The following TMEM132C variants were observed in gnomAD, a reference collection of about 807,000 sequenced individuals.
TMEM132C encodes transmembrane protein 132C.
TMEM132C carries 29 observed loss-of-function variants against 61.4 expected under a neutral mutation model. That is an observed-to-expected ratio of 0.47 (90% CI 0.35 to 0.64). TMEM132C has a LOEUF of 0.64. TMEM132C is among the 30% of genes least tolerant of loss of function. TMEM132C has a pLI of 0.00. For synonymous variants in TMEM132C, 656 were observed against 633.1 expected (o/e 1.04, Z -0.54); for missense variants, 1,408 against 1,476.9 (o/e 0.95, Z 0.76).
intron 2 of TMEM132C, among the ~76,000 whole-genome samples, chr12:128,538,198 G>C (rs1342974158): frequency 6.6e-6 from 1 of 152,168 alleles, no homozygotes; most frequent in Non-Finnish European, 1.5e-5. Flanking sequence ...TCAGCTCACT[G>C]CAACCTCTGC....
At chr12:128,561,699 C>T (rs543100020) in intron 3 of TMEM132C, among the ~76,000 whole-genome samples, 53 of 152,268 alleles carry the variant, frequency 3.5e-4, no homozygotes, top group African/African-American at 1.3e-3. Context: ...GTTAAGGAAC[C>T]CACATAAAGA....
intron 3 of TMEM132C, among the ~76,000 whole-genome samples, chr12:128,551,451 A>G (rs1874172926): frequency 6.6e-6 from 1 of 152,140 alleles, no homozygotes; most frequent in African/African-American, 2.4e-5. Context: ...TTTGGTTTCC[A>G]GGCTCCCCAT....
intron 1 of TMEM132C, among the ~76,000 whole-genome samples, chr12:128,396,476 AC>A (rs1874961068): frequency 1.6e-5 from 2 of 125,338 alleles, no homozygotes; most frequent in African/African-American, 3.8e-5. Context: ...AACCTAGATG[AC>A]GGGTTGATGG....
intron 1 of TMEM132C, among the ~76,000 whole-genome samples, chr12:128,287,902 A>G (rs374435520): frequency 1.3e-5 from 2 of 152,080 alleles, no homozygotes; most frequent in Non-Finnish European, 2.9e-5. Flanking sequence ...ATGTCCCTCA[A>G]TTTGATCCGT....
chr12:128,411,107 A>G (rs1868521796), intron 1 of TMEM132C, among the ~76,000 whole-genome samples: 1 of 152,130 alleles, frequency 6.6e-6, no homozygotes, highest in Non-Finnish European at 1.5e-5. Flanking sequence ...ATGTTGGGGG[A>G]CAGTTCTCTG....
chr12:128,600,652 C>T (rs528209404), intron 3 of TMEM132C, among the ~76,000 whole-genome samples: 1 of 152,328 alleles, frequency 6.6e-6, no homozygotes, highest in Admixed American at 6.5e-5. Context: ...CCAATGCACT[C>T]TGGTCAGTCT....
chr12:128,706,808 C>T lies in TMEM132C; in HGVS notation c.*513C>T, dbSNP rs1954844435. 6.6e-6 allele frequency: 1 copy of T among 152,576 alleles called. No individual in the cohort carries two copies. Among genetic ancestry groups the T allele is most frequent in the Non-Finnish European group, 1.5e-5 (1 of 68,356 alleles). The allele number at this position is 152,576 out of a possible 1,614,324, so 9.5% of individuals were successfully genotyped here. On this transcript the variant is annotated 3_prime_UTR_variant, in exon 9 of 9. Transcript: ENST00000435159. ...GGAGTCATTTCTTAACAAGGGATGC[C>T]TCTTGGGATAGAACTAGGGAGTTTT...
Position 128,610,810 on chromosome 12 carries a change from T to C in TMEM132C, c.1122-5342T>C, listed in dbSNP as rs1038937383. 1.1e-4 allele frequency among the ~76,000 whole-genome samples: 16 copies of C among 152,216 alleles called. 1 individual carries two copies. The highest frequency in any genetic ancestry group is 2.1e-4 in the Non-Finnish European group (14 of 68,038). ...ACAACGTGCATTATGGCATTGTGTC[T>C]ACAGAGGCAGGCACTCAGGAAATGC... On this transcript the variant is annotated intron_variant, in intron 3 of 8. Coordinates refer to ENST00000435159, the MANE Select transcript of TMEM132C (RefSeq NM_001136103.3).
chr12:128,595,819 T>G (rs1163267905), intron 3 of TMEM132C, among the ~76,000 whole-genome samples: 1 of 152,156 alleles, frequency 6.6e-6, no homozygotes, highest in Non-Finnish European at 1.5e-5. Context: ...CCGTACAGAA[T>G]GGGAAAGAGG....
chr12:128,315,700 G>C (rs928414048), intron 1 of TMEM132C, among the ~76,000 whole-genome samples: 16 of 152,106 alleles, frequency 1.1e-4, no homozygotes, highest in Non-Finnish European at 4.4e-5. Flanking sequence ...CAGGGTCATT[G>C]CAGATGTAGT....
intron 3 of TMEM132C, among the ~76,000 whole-genome samples, chr12:128,565,838 G>A (rs1874677073): frequency 2.7e-5 from 4 of 150,104 alleles, no homozygotes; most frequent in Non-Finnish European, 5.9e-5. Context: ...CTTAAGAACT[G>A]CATGAAGGTC....
chr12:128,363,844 CG>C (rs1873778871), intron 1 of TMEM132C, among the ~76,000 whole-genome samples: 1 of 87,816 alleles, frequency 1.1e-5, no homozygotes, highest in Admixed American at 1.4e-4. Context: ...GACTCTGTCT[CG>C]AAAAAAAAAA....
At chr12:128,499,826 TG>T (rs1309030388) in intron 2 of TMEM132C, among the ~76,000 whole-genome samples, 1 of 152,232 alleles carries the variant, frequency 6.6e-6, no homozygotes, top group African/African-American at 2.4e-5. Flanking sequence ...TTTTGCTTAT[TG>T]TGAATACTGC....
chr12:128,602,184 G>A (rs989650430), intron 3 of TMEM132C, among the ~76,000 whole-genome samples: 9 of 152,168 alleles, frequency 5.9e-5, no homozygotes, highest in African/African-American at 1.2e-4. Context: ...GCTGCAGCCC[G>A]GACAGAGCAA....
At chr12:128,596,681 C>T (rs1336485510) in intron 3 of TMEM132C, among the ~76,000 whole-genome samples, 1 of 144,484 alleles carries the variant, frequency 6.9e-6, no homozygotes, top group African/African-American at 2.6e-5. Flanking sequence ...AGCAGGGCTT[C>T]ACTGATCCCT....
At chr12:128,301,746 G>C (rs1871601480) in intron 1 of TMEM132C, among the ~76,000 whole-genome samples, 1 of 152,174 alleles carries the variant, frequency 6.6e-6, no homozygotes, top group South Asian at 2.1e-4. Flanking sequence ...GAAGGTAGCT[G>C]ACTAAGGTAT....
In TMEM132C at chr12:128,661,483, C is replaced by T. The variant is rs185449670; in HGVS notation, c.1306-7934C>T. 1.7e-3 allele frequency among the ~76,000 whole-genome samples: 253 copies of T among 151,684 alleles called. 1 individual carries two copies. The highest frequency in any genetic ancestry group is 5.8e-3 in the African/African-American group (240 of 41,296). ...GTGTATGATGACAACTGCTTGGAAG[C>T]ACCAAATAGCAGGATCAAAGAGGAA... On this transcript the variant is annotated intron_variant, in intron 4 of 8. Transcript: ENST00000435159.
chr12:128,610,760 AT>A (rs1343938297), intron 3 of TMEM132C, among the ~76,000 whole-genome samples: 1 of 152,156 alleles, frequency 6.6e-6, no homozygotes, highest in African/African-American at 2.4e-5. Flanking sequence ...AAGATTTCTT[AT>A]TTTTTTAGTC....
chr12:128,286,527 G>A (rs1872536), intron 1 of TMEM132C, among the ~76,000 whole-genome samples: 46,404 of 152,140 alleles, frequency 0.31, 8,694 homozygotes, highest in African/African-American at 0.53. Flanking sequence ...TACATAAACC[G>A]GGAAATAAGG....
Sources: allele counts gnomAD v4.1 joint callset (sites outside exome capture counted in the v4.1 genomes callset), GRCh38; gene constraint gnomAD v4.1.1; transcripts MANE v1.5; gene names NCBI Gene and HGNC (gene_info 2026-07-23, HGNC 2026-07-21).